The following PUDP variants were observed in gnomAD, a reference collection of about 807,000 sequenced individuals.
PUDP encodes pseudouridine-5'-phosphatase.
A neutral mutation model predicts 9.4 loss-of-function variants in PUDP; 8 were observed. That is an observed-to-expected ratio of 0.85 (90% confidence interval 0.50 to 1.53). The LOEUF is 1.53. Ranked by LOEUF, PUDP falls within the 40% of genes most tolerant of loss-of-function variation. The pLI is 0.00. For synonymous variants in PUDP, 99 were observed against 80.7 expected (o/e 1.23, Z -1.22); for missense variants, 188 against 189.7 (o/e 0.99, Z 0.05).
chrX:6,757,033 G>C (rs959637334), intron 3 of PUDP, among the ~76,000 whole-genome samples: 3 of 112,257 alleles, frequency 2.7e-5, no homozygotes, highest in African/African-American at 9.7e-5. Context: ...CCGAAGTAGA[G>C]AATAGATTAT....
At chrX:6,976,372 C>T (rs1928956470) in intron 3 of PUDP, among the ~76,000 whole-genome samples, 1 of 111,885 alleles carries the variant, frequency 8.9e-6, no homozygotes, top group Admixed American at 9.4e-5. Context: ...GTTGCAAAGA[C>T]CATGGGAAAA....
chrX:6,945,260 C>T (rs186453993), intron 3 of PUDP, among the ~76,000 whole-genome samples: 1 of 111,546 alleles, frequency 9.0e-6, no homozygotes, highest in East Asian at 2.8e-4. Flanking sequence ...TGGAAGGATC[C>T]AGAAGCTCCT....
At chrX:6,946,857 G>C (rs1928471829) in intron 3 of PUDP, among the ~76,000 whole-genome samples, 1 of 112,061 alleles carries the variant, frequency 8.9e-6, no homozygotes, top group Non-Finnish European at 1.9e-5. Context: ...TTTGTTGTTA[G>C]TCTTCACAGT....
chrX:6,846,336 A>G (rs1486679072), intron 3 of PUDP, among the ~76,000 whole-genome samples: 6 of 105,886 alleles, frequency 5.7e-5, no homozygotes, highest in Non-Finnish European at 1.2e-4. Flanking sequence ...CGTGAACCCG[A>G]GAGGCGGAGC....
downstream of PUDP, among the ~76,000 whole-genome samples, chrX:7,044,368 A>G (rs1929958752): frequency 1.8e-5 from 2 of 112,605 alleles, no homozygotes; most frequent in African/African-American, 6.4e-5. Context: ...GTTAGGACTC[A>G]CTGGCCCTAG....
chrX:7,011,699 T>C (rs987832602), intron 1 of PUDP, among the ~76,000 whole-genome samples: 1 of 112,440 alleles, frequency 8.9e-6, no homozygotes, highest in African/African-American at 3.2e-5. Context: ...CATTTATACA[T>C]TGCTCTTCCA....
intron 2 of PUDP, among the ~76,000 whole-genome samples, chrX:7,080,764 A>T (rs1401640715): frequency 1.8e-5 from 2 of 110,933 alleles, no homozygotes; most frequent in African/African-American, 6.6e-5. Flanking sequence ...TAATTTTTTT[A>T]AAAAAGAGAC....
chrX:7,071,241 C>T (rs1220539864), intron 3 of PUDP, among the ~76,000 whole-genome samples: 1 of 111,122 alleles, frequency 9.0e-6, no homozygotes, highest in Non-Finnish European at 1.9e-5. Flanking sequence ...TTCTCCTAAG[C>T]CTCCTATAAC....
At chrX:7,099,705 C>A (rs1216748217) in intron 2 of PUDP, among the ~76,000 whole-genome samples, 3 of 112,058 alleles carry the variant, frequency 2.7e-5, no homozygotes, top group Non-Finnish European at 5.6e-5. Context: ...GGCAAAGAGC[C>A]CTCCTATACC....
chrX:6,834,257 C>T (rs747293190), intron 3 of PUDP, among the ~76,000 whole-genome samples: 2 of 111,957 alleles, frequency 1.8e-5, no homozygotes, highest in African/African-American at 6.5e-5. Flanking sequence ...AATTACCATA[C>T]TGCATGAAAT....
At chrX:6,707,990 G>C (rs1326392105) in intron 1 of PUDP, among the ~76,000 whole-genome samples, 1 of 111,725 alleles carries the variant, frequency 9.0e-6, no homozygotes, top group Admixed American at 9.5e-5. Context: ...AATTTTCGAC[G>C]AAGCTCCTTT....
At chrX:6,808,496 A>G (rs1358834541) in intron 3 of PUDP, among the ~76,000 whole-genome samples, 1 of 111,869 alleles carries the variant, frequency 8.9e-6, no homozygotes, top group Non-Finnish European at 1.9e-5. Context: ...ATAAAGCTGT[A>G]TCACATTTAT....
At chrX:6,810,042 T>C (rs1358620629) in intron 3 of PUDP, among the ~76,000 whole-genome samples, 1 of 108,933 alleles carries the variant, frequency 9.2e-6, no homozygotes, top group Non-Finnish European at 1.9e-5. Context: ...GTGGTGCCAC[T>C]GCACTCCAAC....
chrX:7,116,627 A>C (rs1282470752), intron 1 of PUDP, among the ~76,000 whole-genome samples: 2 of 112,006 alleles, frequency 1.8e-5, no homozygotes, highest in Non-Finnish European at 3.8e-5. Context: ...ATGACCAATC[A>C]GAATGAACTA....
At chrX:7,002,808 G>A (rs908177130) in intron 1 of PUDP, among the ~76,000 whole-genome samples, 1 of 110,035 alleles carries the variant, frequency 9.1e-6, no homozygotes, top group African/African-American at 3.3e-5. Context: ...TTGAGTTCCC[G>A]GACATTCTGG....
chrX:7,117,046 T>C (rs1279248068), intron 1 of PUDP: 3 of 1,166,365 alleles, frequency 2.6e-6, no homozygotes, highest in Non-Finnish European at 3.4e-6. Flanking sequence ...TGCAGAAATG[T>C]GAGCCAATTA....
intron 3 of PUDP, among the ~76,000 whole-genome samples, chrX:6,954,998 T>C (rs1928606780): frequency 9.0e-6 from 1 of 111,410 alleles, no homozygotes; most frequent in Admixed American, 9.5e-5. Flanking sequence ...ATTCCACTGA[T>C]AAGACTCTGG....
intron 3 of PUDP, among the ~76,000 whole-genome samples, chrX:6,815,666 G>C (rs771503179): frequency 9.0e-6 from 1 of 110,829 alleles, no homozygotes; most frequent in South Asian, 3.8e-4. Context: ...CTATAGCCCA[G>C]CCTCCATAAA....
At chrX:6,880,998 T>A (rs72609578) in intron 3 of PUDP, among the ~76,000 whole-genome samples, 10,389 of 112,125 alleles carry the variant, frequency 0.093, 606 homozygotes, top group East Asian at 0.46. Context: ...CAGAATGTAT[T>A]ATTAGAGAAT....
Sources: gnomAD v4.1 joint callset for allele counts (sites outside exome capture counted in the v4.1 genomes callset) on GRCh38, gnomAD v4.1.1 for gene constraint, MANE v1.5 for transcripts, NCBI Gene and HGNC (gene_info 2026-07-23, HGNC 2026-07-21) for gene names.